Variants in CMTM4 observed in about 807,000 individuals in gnomAD.
CMTM4 encodes the protein CKLF like MARVEL transmembrane domain containing 4.
Under a neutral mutation model 19.0 loss-of-function variants are expected in CMTM4, and 8 were observed. The ratio of observed to expected loss-of-function variants is 0.42; its 90% CI spans 0.25 to 0.76. The LOEUF (loss-of-function observed/expected upper bound fraction) is 0.76, where lower values mean the gene tolerates loss of function less well. CMTM4 is among the 30% of genes least tolerant of loss of function. The pLI, the probability that CMTM4 is intolerant of heterozygous loss-of-function variation, is 0.27. For missense variants in CMTM4, 228 were observed against 290.2 expected (o/e 0.79, Z 1.56); for synonymous variants, 106 against 121.1 (o/e 0.88, Z 0.82).
intron 1 of CMTM4, among the ~76,000 whole-genome samples, chr16:66,640,105 C>T (rs1181962339): frequency 6.6e-6 from 1 of 152,018 alleles, no homozygotes; most frequent in Non-Finnish European, 1.5e-5. Flanking sequence ...GGGTGGATCA[C>T]ATGAGGTCAG....
At chr16:66,638,927 AAAAAC>A (rs1311194866) in intron 1 of CMTM4, among the ~76,000 whole-genome samples, 1 of 152,138 alleles carries the variant, frequency 6.6e-6, no homozygotes, top group Admixed American at 6.6e-5. Flanking sequence ...CACAAAAAAA[AAAAAC>A]AAAGGTAAGT....
chr16:66,655,144 C>T (rs116800135), intron 1 of CMTM4, among the ~76,000 whole-genome samples: 30 of 152,202 alleles, frequency 2.0e-4, no homozygotes, highest in Non-Finnish European at 3.2e-4. Flanking sequence ...CCACCATACA[C>T]GGCTAATTTT....
At chr16:66,687,879 G>C (rs1012943422) in intron 1 of CMTM4, among the ~76,000 whole-genome samples, 2 of 151,836 alleles carry the variant, frequency 1.3e-5, no homozygotes, top group Non-Finnish European at 2.9e-5. Context: ...CATTGAGACC[G>C]GGTTTCACCG....
the CMTM4 span, chr16:66,608,558 T>C: frequency 6.2e-6 from 8 of 1,293,476 alleles, no homozygotes; most frequent in South Asian, 1.3e-5. This position sits in a 1 kb window ranked among gnomAD's most constrained non-coding sequence, Gnocchi z 5.1. Context: ...ATCCTTTCTC[T>C]AGTGTGCTGG....
intron 1 of CMTM4, among the ~76,000 whole-genome samples, chr16:66,679,524 G>C (rs886970462): frequency 3.3e-5 from 5 of 151,994 alleles, no homozygotes; most frequent in Admixed American, 2.0e-4. Flanking sequence ...CCAAGTCAAT[G>C]TAAGATGGGA....
downstream of CMTM4, chr16:66,612,556 A>G (rs1350479813): frequency 1.1e-5 from 17 of 1,598,416 alleles, no homozygotes; most frequent in Middle Eastern, 1.7e-4. The surrounding 1 kb of genome is among the most constrained non-coding windows in gnomAD (Gnocchi z 6.0). Flanking sequence ...GACCGTTCCC[A>G]GGCACCGCTG....
intron 1 of CMTM4, among the ~76,000 whole-genome samples, chr16:66,680,752 CA>C: frequency 9.4e-6 from 1 of 106,058 alleles, no homozygotes; most frequent in South Asian, 3.4e-4. Flanking sequence ...CCAGCCTGGG[CA>C]ACAGAGCAAG....
intron 1 of CMTM4, among the ~76,000 whole-genome samples, chr16:66,659,104 G>A (rs892803329): frequency 2.0e-5 from 3 of 152,146 alleles, no homozygotes; most frequent in African/African-American, 7.2e-5. Context: ...TAGAGGCTGG[G>A]CGTGGTGGCT....
chr16:66,623,497 C>G lies in CMTM4; in HGVS notation c.369G>C (p.Leu123Phe). 2 of 1,605,802 alleles carry G rather than the reference C, an allele frequency of 1.2e-6. No homozygotes were observed. The highest frequency in any genetic ancestry group is 2.2e-5 in the South Asian group (2 of 89,984). Residue 123 changes from leucine to phenylalanine, a missense_variant, in exon 3 of 4, where the codon TTG (leucine) becomes TTC (phenylalanine). Around this residue, in one of 3 missense-constraint regions of CMTM4, gnomAD observed 200 missense variants for 226.6 expected, o/e 0.88. Coordinates refer to ENST00000394106, the MANE Select transcript of CMTM4 (RefSeq NM_181521.3). ...GGAAAGCGCTGAGTCCAGTGTTGAC[C>G]AAATCCTAAAGGGAGAGACAAAATA... ...IPQINWNLTDLVNTGLSAFLF... is the reference protein window; with the variant it reads ...IPQINWNLTDFVNTGLSAFLF...
intron 1 of CMTM4, among the ~76,000 whole-genome samples, chr16:66,652,093 C>G (rs2016321426): frequency 6.6e-6 from 1 of 152,294 alleles, no homozygotes; most frequent in Admixed American, 6.5e-5. Flanking sequence ...GCCAGCAGGA[C>G]TAATTAGTCA....
chr16:66,693,694 G>T (rs1567437106), intron 1 of CMTM4, among the ~76,000 whole-genome samples: 1 of 152,096 alleles, frequency 6.6e-6, no homozygotes, highest in Non-Finnish European at 1.5e-5. Flanking sequence ...GCGAGATTCT[G>T]GGGGCTAGGC....
intron 1 of CMTM4, among the ~76,000 whole-genome samples, chr16:66,651,952 G>A (rs1011010395): frequency 6.6e-6 from 1 of 152,234 alleles, no homozygotes; most frequent in African/African-American, 2.4e-5. Context: ...GTGTTTGCAT[G>A]TGATCTTTGG....
chr16:66,662,150 G>A (rs1475422709), intron 1 of CMTM4, among the ~76,000 whole-genome samples: 1 of 152,154 alleles, frequency 6.6e-6, no homozygotes, highest in East Asian at 1.9e-4. Flanking sequence ...TCCAGTTCCA[G>A]TTAATGAAGT....
intron 1 of CMTM4, among the ~76,000 whole-genome samples, chr16:66,659,838 T>A (rs1169803128): frequency 3.9e-5 from 6 of 152,170 alleles, no homozygotes; most frequent in African/African-American, 1.4e-4. Context: ...AAAAGCTGGA[T>A]AAAAAGTATG....
intron 1 of CMTM4, among the ~76,000 whole-genome samples, chr16:66,674,631 C>T (rs1263763256): frequency 1.3e-5 from 2 of 151,684 alleles, no homozygotes; most frequent in Admixed American, 1.3e-4. Flanking sequence ...AACGAGTCAG[C>T]AAGCTACCTG....
At chr16:66,687,123 C>T (rs997236173) in intron 1 of CMTM4, among the ~76,000 whole-genome samples, 14 of 147,316 alleles carry the variant, frequency 9.5e-5, no homozygotes, top group Non-Finnish European at 1.8e-4. Flanking sequence ...TAAGCACCCA[C>T]TATTGTGCAG....
intron 2 of CMTM4, among the ~76,000 whole-genome samples, chr16:66,629,387 C>T (rs1475214432): frequency 6.6e-6 from 1 of 152,198 alleles, no homozygotes; most frequent in African/African-American, 2.4e-5. Context: ...TATGGAGTCA[C>T]TGTGCCAATC....
downstream of CMTM4, among the ~76,000 whole-genome samples, chr16:66,611,794 C>A (rs536894084): frequency 4.7e-4 from 71 of 152,084 alleles, no homozygotes; most frequent in Non-Finnish European, 9.4e-4. Flanking sequence ...CATAGGCAGG[C>A]CCTTACCATT....
intron 1 of CMTM4, among the ~76,000 whole-genome samples, chr16:66,645,679 C>T (rs1324700216): frequency 1.3e-5 from 2 of 151,192 alleles, no homozygotes; most frequent in Non-Finnish European, 3.0e-5. Flanking sequence ...CACTGTGTGT[C>T]GTATTAAAAA....
Sources: gnomAD v4.1 joint callset for allele counts (sites outside exome capture counted in the v4.1 genomes callset) on GRCh38, gnomAD v4.1.1 for gene constraint, gnomAD v4.1.1 regional missense constraint, Gnocchi (gnomAD v3.1) non-coding constraint, MANE v1.5 for transcripts, NCBI Gene and HGNC (gene_info 2026-07-23, HGNC 2026-07-21) for gene names.